Variants in BMPR2 observed in about 807,000 individuals in gnomAD.
The protein encoded by BMPR2 is bone morphogenetic protein receptor type-2.
BMPR2 carries 29 observed loss-of-function variants against 100.8 expected under a neutral mutation model. The observed-to-expected ratio is 0.29, with a 90% CI of 0.21 to 0.39. The LOEUF is 0.39. Among genes scored for constraint, BMPR2 ranks in the 10% least tolerant of loss-of-function variants. BMPR2 has a pLI of 1.00. For synonymous variants in BMPR2, 382 were observed against 442.3 expected (o/e 0.86, Z 1.71); for missense variants, 1,011 against 1,274.5 (o/e 0.79, Z 3.15).
In BMPR2 at chr2:202,513,699, C is replaced by G; in HGVS notation, c.419-20C>G. 2 of 1,584,972 alleles carry G rather than the reference C, an allele frequency of 1.3e-6. No individual in the cohort carries two copies. The highest frequency in any genetic ancestry group is 1.7e-6 in the Non-Finnish European group (2 of 1,155,044). On this transcript the variant is annotated intron_variant, in intron 3 of 12. Transcript: ENST00000374580. ...ACTTTTTTAAAAAAAAATGACATTT[C>G]AAAATTTGTTTTCTTTTAGGTCCAC... is the stretch of plus-strand genomic sequence containing the variant.
At chr2:202,492,679 G>T (rs1294036597) in intron 3 of BMPR2, among the ~76,000 whole-genome samples, 22 of 110,226 alleles carry the variant, frequency 2.0e-4, no homozygotes, top group African/African-American at 7.6e-4. Context: ...TAGCCTGGGC[G>T]ACAATAGCGA....
chr2:202,393,882 C>A lies in BMPR2; in HGVS notation c.76+16332C>A, dbSNP rs992447645. The stretch of plus-strand genomic sequence containing the variant: ...GCATCTAATTAAGGTAATGAGAGAG[C>A]GAGAGAGAGAGAGAGAGAGAGAGAG... On this transcript the variant is annotated intron_variant, in intron 1 of 12. Transcript: ENST00000374580. Among the ~76,000 whole-genome samples the A allele has an allele frequency of 7.5e-3, 728 of 97,590 alleles. 2 individuals are homozygous for A. Among genetic ancestry groups the A allele is most frequent in the Non-Finnish European group, 8.6e-3 (413 of 48,250 alleles). The allele number at this position is 97,590 out of a possible 152,430, so 64.0% of individuals were successfully genotyped here.
In BMPR2 at chr2:202,503,957, G is replaced by A. The variant is rs1687462040; in HGVS notation, c.419-9762G>A. Among the ~76,000 whole-genome samples the A allele has an allele frequency of 6.6e-6, 1 of 152,152 alleles. No homozygotes were observed. ...CAATCAGCACCCTGTGTCTAGCTCA[G>A]GGTTTGTGAATGCACCAGTAGACAC... is the stretch of plus-strand genomic sequence containing the variant. On this transcript the variant is annotated intron_variant, in intron 3 of 12. Coordinates refer to ENST00000374580, the MANE Select transcript of BMPR2 (RefSeq NM_001204.7). The surrounding 1 kb of genome is among the most constrained non-coding windows in gnomAD (Gnocchi z 4.0).
chr2:202,544,398 TAATC>T (rs1268692980), intron 10 of BMPR2, among the ~76,000 whole-genome samples: 1 of 152,150 alleles, frequency 6.6e-6, no homozygotes, highest in East Asian at 1.9e-4. Flanking sequence ...ACTCGAGTAA[TAATC>T]TGGCTGGATA....
chr2:202,441,371 C>A (rs999555930), intron 1 of BMPR2, among the ~76,000 whole-genome samples: 1 of 150,158 alleles, frequency 6.7e-6, no homozygotes, highest in Non-Finnish European at 1.5e-5. Flanking sequence ...TTTTGAAATT[C>A]TAAACACTAA....
intron 5 of BMPR2, among the ~76,000 whole-genome samples, chr2:202,517,333 A>G (rs1005322953): frequency 1.8e-4 from 26 of 144,030 alleles, no homozygotes; most frequent in African/African-American, 5.3e-4. Context: ...CAGTTATTTT[A>G]TCTTTTTTTT....
chr2:202,458,046 A>G (rs1692155110), intron 1 of BMPR2, among the ~76,000 whole-genome samples: 1 of 152,074 alleles, frequency 6.6e-6, no homozygotes, highest in African/African-American at 2.4e-5. Flanking sequence ...TTGTTTTTCA[A>G]GTAAATGATT....
chr2:202,382,357 A>AT (rs1362023110), intron 1 of BMPR2, among the ~76,000 whole-genome samples: 2 of 151,242 alleles, frequency 1.3e-5, no homozygotes, highest in East Asian at 3.9e-4. Flanking sequence ...CACACCCGAA[A>AT]TTTTTTTATT....
At chr2:202,412,997 T>C (rs1691044605) in intron 1 of BMPR2, among the ~76,000 whole-genome samples, 1 of 152,224 alleles carries the variant, frequency 6.6e-6, no homozygotes, top group Admixed American at 6.5e-5. Flanking sequence ...TCCTACTCAC[T>C]GAAATTTATT....
At chr2:202,520,053 CTTT>C in intron 6 of BMPR2, 31 bp from the exon 7 acceptor site, 2 of 1,159,160 alleles carry the variant, frequency 1.7e-6, no homozygotes, top group Non-Finnish European at 2.5e-6. Flanking sequence ...TTAATTCTAC[CTTT>C]TTTTTTTTTC....
chr2:202,533,189 T>A (rs1034206733), intron 9 of BMPR2, among the ~76,000 whole-genome samples: 1 of 152,138 alleles, frequency 6.6e-6, no homozygotes, highest in African/African-American at 2.4e-5. Context: ...CTTTCTTCCT[T>A]CCTTCCTCTT....
intron 1 of BMPR2, among the ~76,000 whole-genome samples, chr2:202,455,278 T>C (rs571262743): frequency 8.5e-4 from 129 of 152,336 alleles, no homozygotes; most frequent in African/African-American, 3.0e-3. Context: ...CTGAGAGTGA[T>C]GGTTCACACC....
chr2:202,468,201 G>A (rs1211377292), intron 3 of BMPR2, among the ~76,000 whole-genome samples: 1 of 152,056 alleles, frequency 6.6e-6, no homozygotes, highest in Non-Finnish European at 1.5e-5. Flanking sequence ...TACTGGCCAG[G>A]CACAGTGGCT....
At chr2:202,483,695 G>T (rs528396161) in intron 3 of BMPR2, among the ~76,000 whole-genome samples, 1 of 152,110 alleles carries the variant, frequency 6.6e-6, no homozygotes, top group Non-Finnish European at 1.5e-5. Flanking sequence ...GAGCCACCAC[G>T]CCCAGCCCAA....
intron 12 of BMPR2, among the ~76,000 whole-genome samples, chr2:202,556,851 A>G (rs1038584773): frequency 2.6e-5 from 4 of 151,996 alleles, no homozygotes; most frequent in Middle Eastern, 3.4e-3. Context: ...TTGGGAGGCC[A>G]AGGCGGGCAG....
intron 1 of BMPR2, among the ~76,000 whole-genome samples, chr2:202,462,436 G>A (rs1692241194): frequency 6.6e-6 from 1 of 151,994 alleles, no homozygotes; most frequent in Admixed American, 6.6e-5. Context: ...GGCCCGGCTG[G>A]TCTCAAACTC....
intron 1 of BMPR2, among the ~76,000 whole-genome samples, chr2:202,406,256 T>C (rs1013160257): frequency 3.9e-5 from 6 of 152,234 alleles, no homozygotes; most frequent in African/African-American, 1.4e-4. Context: ...AAAACACCAT[T>C]GCCTTCTTTC....
chr2:202,534,569 G>A (rs1260333822), intron 9 of BMPR2, among the ~76,000 whole-genome samples: 1 of 152,176 alleles, frequency 6.6e-6, no homozygotes, highest in African/African-American at 2.4e-5. Context: ...GAGAGCACAG[G>A]GTTGGGGGCA....
At chr2:202,557,331 G>A (rs903824489) in intron 12 of BMPR2, among the ~76,000 whole-genome samples, 1 of 152,162 alleles carries the variant, frequency 6.6e-6, no homozygotes, top group East Asian at 1.9e-4. Flanking sequence ...GCGTGTGGTG[G>A]TGGGCACCTG....
Sources: gnomAD v4.1 joint callset for allele counts (sites outside exome capture counted in the v4.1 genomes callset) on GRCh38, gnomAD v4.1.1 for gene constraint, Gnocchi (gnomAD v3.1) non-coding constraint, MANE v1.5 for transcripts, NCBI Gene and HGNC (gene_info 2026-07-23, HGNC 2026-07-21) for gene names.